Variants in PDLIM5 observed in about 807,000 individuals in gnomAD.
PDLIM5 encodes the protein PDZ and LIM domain protein 5.
In PDLIM5, 34 loss-of-function variants were observed where a neutral mutation model predicts 64.2. The ratio of observed to expected loss-of-function variants is 0.53; its 90% CI spans 0.40 to 0.71. The LOEUF (loss-of-function observed/expected upper bound fraction) is 0.71. Ranked by LOEUF, PDLIM5 falls within the 30% of genes least tolerant of loss-of-function variation. The pLI, the probability that PDLIM5 is intolerant of heterozygous loss-of-function variation, is 0.00. For synonymous variants in PDLIM5, 253 were observed against 269.1 expected (o/e 0.94, Z 0.59); for missense variants, 683 against 733.6 (o/e 0.93, Z 0.80).
At chr4:94,534,927 T>C (rs1158426516) in intron 3 of PDLIM5, among the ~76,000 whole-genome samples, 3 of 152,106 alleles carry the variant, frequency 2.0e-5, no homozygotes, top group South Asian at 2.1e-4. Context: ...AGTATGGAGA[T>C]GACAAATCCC....
rs1743019573 is a variant in PDLIM5 at position 94,665,340 on chromosome 4, G to T, written c.*1273G>T. On this transcript the variant is annotated 3_prime_UTR_variant, in exon 13 of 13. Coordinates refer to ENST00000317968, the MANE Select transcript of PDLIM5 (RefSeq NM_006457.5). ...CTACTAAAAATACAAAAATGAGCTG[G>T]GCATGGTGGGGCGTGCCTGTAGTCC... 1 of 228,560 alleles carries T rather than the reference G, an allele frequency of 4.4e-6. No individual in the cohort carries two copies. Among genetic ancestry groups the T allele is most frequent in the Non-Finnish European group, 7.3e-6 (1 of 137,798 alleles). 14.2% of individuals were successfully genotyped at this position (228,560 alleles called of 1,614,324 possible).
chr4:94,602,867 A>G (rs1217951212), intron 7 of PDLIM5, among the ~76,000 whole-genome samples: 1 of 152,214 alleles, frequency 6.6e-6, no homozygotes, highest in Non-Finnish European at 1.5e-5. Context: ...ATTACCAAGG[A>G]TAATTTTAGT....
intron 3 of PDLIM5, among the ~76,000 whole-genome samples, chr4:94,565,571 G>C (rs1197610384): frequency 6.6e-6 from 1 of 152,084 alleles, no homozygotes; most frequent in East Asian, 1.9e-4. Context: ...GGTATCTTGG[G>C]ATCTGCATGA....
intron 2 of PDLIM5, among the ~76,000 whole-genome samples, chr4:94,504,880 C>T (rs1023841222): frequency 6.6e-6 from 1 of 152,150 alleles, no homozygotes; most frequent in Non-Finnish European, 1.5e-5. Context: ...GGAACTTGCA[C>T]TCATAACCAC....
chr4:94,623,998 G>T (rs1739459430), intron 8 of PDLIM5, among the ~76,000 whole-genome samples: 1 of 152,054 alleles, frequency 6.6e-6, no homozygotes, highest in African/African-American at 2.4e-5. Flanking sequence ...AAAGCCCCAT[G>T]ATAGGAATTT....
chr4:94,460,591 A>C (rs1723785675), intron 2 of PDLIM5, among the ~76,000 whole-genome samples: 1 of 151,060 alleles, frequency 6.6e-6, no homozygotes, highest in South Asian at 2.1e-4. Flanking sequence ...ACTGTACTCC[A>C]GTCTGTGCCA....
chr4:94,628,650 A>G (rs1191747904), intron 8 of PDLIM5, among the ~76,000 whole-genome samples: 2 of 151,932 alleles, frequency 1.3e-5, no homozygotes, highest in Non-Finnish European at 2.9e-5. Flanking sequence ...TTGTATAAAT[A>G]GTTGAAAATT....
At chr4:94,585,509 T>G in intron 5 of PDLIM5, 56 bp from the exon 6 acceptor site, 1 of 1,024,368 alleles carries the variant, frequency 9.8e-7, no homozygotes, top group Non-Finnish European at 1.4e-6. Context: ...AGAAGATATT[T>G]TATCCTTTTA....
intron 3 of PDLIM5, among the ~76,000 whole-genome samples, chr4:94,545,175 T>A (rs577964248): frequency 2.2e-4 from 33 of 152,358 alleles, no homozygotes; most frequent in Admixed American, 1.9e-3. Flanking sequence ...TAAATATTTT[T>A]AAAAATATAG....
intron 3 of PDLIM5, among the ~76,000 whole-genome samples, chr4:94,546,590 A>G (rs936195218): frequency 6.6e-6 from 1 of 152,130 alleles, no homozygotes; most frequent in African/African-American, 2.4e-5. Flanking sequence ...TTAATTATCT[A>G]TCTAATATTA....
intron 5 of PDLIM5, among the ~76,000 whole-genome samples, chr4:94,581,777 T>C (rs1314585443): frequency 6.6e-6 from 1 of 152,220 alleles, no homozygotes; most frequent in African/African-American, 2.4e-5. Flanking sequence ...TACTTTAGTC[T>C]TTTCTATCCC....
intron 10 of PDLIM5, among the ~76,000 whole-genome samples, chr4:94,655,785 A>G (rs563519608): frequency 6.6e-6 from 1 of 152,204 alleles, no homozygotes; most frequent in Non-Finnish European, 1.5e-5. Context: ...TGGAAATCTC[A>G]TACTCATTGC....
chr4:94,569,245 A>C lies in PDLIM5; in HGVS notation c.249-4106A>C, dbSNP rs7695100. On this transcript the variant is annotated intron_variant, in intron 3 of 12. Coordinates refer to ENST00000317968, the MANE Select transcript of PDLIM5 (RefSeq NM_006457.5). The stretch of plus-strand genomic sequence containing the variant: ...GTGCTGAAGAGCAAGGTCTTTGGAG[A>C]ACATTTGGGATGATAACTAGTCTCC... 5.1e-3 allele frequency among the ~76,000 whole-genome samples: 769 copies of C among 152,266 alleles called. 4 individuals are homozygous for C. The highest frequency in any genetic ancestry group is 5.7e-3 in the Non-Finnish European group (386 of 68,016).
rs1473036920 is a variant in PDLIM5, at chr4:94,575,835, C to T, written c.511C>T (p.Pro171Ser). The change falls in exon 5 of 13, where the codon CCT (proline) becomes TCT (serine). Residue 171 changes from proline to serine, a missense_variant. Pro to Ser is a moderately conservative substitution (Grantham distance 74). Transcript: ENST00000317968. The part of the protein sequence containing the change: ...ASPSPVAAVT[P>S]PLFAASGLHA... ...CCCTTCACCCGTGGCTGCCGTCACT[C>T]CTCCCCTGTTCGCTGCATCTGGACT... is the stretch of plus-strand genomic sequence containing the variant. 6.2e-7 allele frequency: 1 copy of T among 1,614,164 alleles called. No individual in the cohort carries two copies. The highest frequency in any genetic ancestry group is 8.5e-7 in the Non-Finnish European group (1 of 1,180,018).
chr4:94,494,352 G>C lies in PDLIM5; in HGVS notation c.97-29372G>C, dbSNP rs6532489. Among the ~76,000 whole-genome samples the C allele has an allele frequency of 5.3e-3, 796 of 149,416 alleles. 5 individuals are homozygous for C. Among genetic ancestry groups the C allele is most frequent in the African/African-American group, 0.018 (747 of 40,970 alleles). ...ATTTTTTAAGGCTTCAATCAATATG[G>C]CCCTTCTTAATGAAATCTTTCTCAG... On this transcript the variant is annotated intron_variant, in intron 2 of 12. Coordinates refer to ENST00000317968, the MANE Select transcript of PDLIM5 (RefSeq NM_006457.5).
intron 2 of PDLIM5, among the ~76,000 whole-genome samples, chr4:94,459,071 T>C (rs1383306235): frequency 1.3e-5 from 2 of 152,174 alleles, no homozygotes; most frequent in Admixed American, 6.5e-5. Context: ...TGTAGCAGTG[T>C]GGGTTTGTTG....
At chr4:94,535,686 A>G (rs1389213137) in intron 3 of PDLIM5, among the ~76,000 whole-genome samples, 1 of 152,154 alleles carries the variant, frequency 6.6e-6, no homozygotes, top group East Asian at 1.9e-4. Flanking sequence ...TTATGCTTAT[A>G]TCTTGAACGA....
chr4:94,619,765 C>T (rs1312948537), intron 8 of PDLIM5, among the ~76,000 whole-genome samples: 7 of 152,144 alleles, frequency 4.6e-5, no homozygotes, highest in Non-Finnish European at 5.9e-5. Flanking sequence ...ACTTCAACTT[C>T]CCTAGTAGCT....
chr4:94,666,729 T>A lies in PDLIM5; in HGVS notation c.*2662T>A, dbSNP rs1370524437. On this transcript the variant is annotated 3_prime_UTR_variant, in exon 13 of 13. Transcript: ENST00000317968. ...TAAGGATGTCATTTTCATCAGACCT[T>A]CTTTCTACATATTATTCATGAAGCA... is the stretch of plus-strand genomic sequence containing the variant. 1 of 152,250 alleles carries A rather than the reference T, an allele frequency of 6.6e-6. No homozygotes were observed. The highest frequency in any genetic ancestry group is 1.5e-5 in the Non-Finnish European group (1 of 68,054). The allele number at this position is 152,250 out of a possible 1,614,324, so 9.4% of individuals were successfully genotyped here. A position where few individuals can be genotyped will look rare whatever the true frequency, so the allele number is the denominator to read the frequency against.
Sources: gnomAD v4.1 joint callset for allele counts (sites outside exome capture counted in the v4.1 genomes callset) on GRCh38, gnomAD v4.1.1 for gene constraint, MANE v1.5 for transcripts, NCBI Gene and HGNC (gene_info 2026-07-23, HGNC 2026-07-21) for gene names.